Variants in KIF12 observed in about 807,000 individuals in gnomAD.
KIF12 encodes the protein kinesin family member 12, also known as kinesin-like protein KIF12.
In KIF12, 80 loss-of-function variants were observed where a neutral mutation model predicts 87.9. The observed-to-expected ratio is 0.91, with a 90% CI of 0.76 to 1.10. The LOEUF (loss-of-function observed/expected upper bound fraction) is 1.10, where lower values mean the gene tolerates loss of function less well. KIF12 is among the 50% of genes least tolerant of loss of function. The pLI, the probability that KIF12 is intolerant of heterozygous loss-of-function variation, is 0.00. For missense variants in KIF12, 819 were observed against 865.3 expected, an observed-to-expected ratio of 0.95 and a Z score of 0.67; for synonymous variants, 353 against 348.5, an observed-to-expected ratio of 1.01 and a Z score of -0.14.
Position 114,099,147 on chromosome 9 carries a change from G to A in KIF12, c.49C>T (p.Gln17Ter). 6.4e-7 allele frequency: 1 copy of A among 1,550,628 alleles called. No homozygotes were observed. The highest frequency in any genetic ancestry group is 1.2e-5 in the South Asian group (1 of 84,052). ...PDGDLARSLE[Q>*]GPEGPETPIQ... ...GGCGTTTCCGGCCCCTCTGGCCCTTGCTCCAGGCTCCGCGCGAGATCCCTG... is the reference window on the plus strand; with the variant it reads ...GGCGTTTCCGGCCCCTCTGGCCCTTACTCCAGGCTCCGCGCGAGATCCCTG... Residue 17 changes from glutamine (Q) to a stop codon, truncating the protein, a stop_gained, in exon 2 of 19, where the codon CAA becomes TAA. Transcript: ENST00000640217. LOFTEE classifies it high-confidence loss of function.
At chr9:114,095,421 G>A (rs1847182738) in intron 9 of KIF12, 89 bp from the exon 10 acceptor site, 2 of 1,381,496 alleles carry the variant, frequency 1.4e-6, no homozygotes, top group Non-Finnish European at 2.0e-6. Context: ...TCTCCACCCA[G>A]GCCTGTGTTG....
At chr9:114,092,971 A>G (rs772114758) in intron 16 of KIF12, 169 of 1,382,666 alleles carry the variant, frequency 1.2e-4, no homozygotes, top group Non-Finnish European at 1.5e-4. Flanking sequence ...CAGTAAATCC[A>G]TAAGTGAGTA....
At chr9:114,097,931 G>A in intron 5 of KIF12, 184 bp downstream of exon 5, 7 of 935,466 alleles carry the variant, frequency 7.5e-6, no homozygotes, top group Non-Finnish European at 1.1e-5. Context: ...CAAAGTTGAA[G>A]CCCAAATGCT....
At chr9:114,092,135 CA>C in intron 18 of KIF12, 135 bp from the exon 19 acceptor site, 1 of 956,260 alleles carries the variant, frequency 1.0e-6, no homozygotes, top group Non-Finnish European at 1.5e-6. Flanking sequence ...CACCCCCATA[CA>C]CCATGGGCTC....
intron 5 of KIF12, 59 bp from the exon 6 acceptor site, chr9:114,097,800 C>T: frequency 4.5e-6 from 7 of 1,556,684 alleles, no homozygotes; most frequent in Admixed American, 3.9e-5. Flanking sequence ...CCCTCTGTAG[C>T]GCATGTATGA....
intron 6 of KIF12, 30 bp downstream of exon 6, chr9:114,097,577 G>A (rs78769790): frequency 1.2e-6 from 2 of 1,612,694 alleles, no homozygotes; most frequent in East Asian, 2.2e-5. Context: ...TTCCTCATGG[G>A]CTGTCTTTCT....
intron 16 of KIF12, chr9:114,092,899 G>A (rs1037899331): frequency 1.1e-5 from 16 of 1,431,382 alleles, no homozygotes; most frequent in Middle Eastern, 2.6e-4. Context: ...GAGCCCAGAA[G>A]AGAGGCTGGT....
At position 114,098,423 on chromosome 9, in the gene KIF12, G is replaced by C; in HGVS notation, c.178C>G (p.Pro60Ala). 5 of 1,510,726 alleles carry C rather than the reference G, an allele frequency of 3.3e-6. No homozygotes were observed. Among genetic ancestry groups the C allele is most frequent in the Non-Finnish European group, 3.5e-6 (4 of 1,137,708 alleles). 93.6% of individuals were successfully genotyped at this position (1,510,726 alleles called of 1,614,324 possible). Reference protein sequence around the residue: ...CSGTRTLQVSPPGGGPEVAFR... With the variant: ...CSGTRTLQVSAPGGGPEVAFR... Reference sequence around the variant, plus strand: ...GCCACTTCTGGACCCCCGCCTGGAGGACTCACCTGGCGCGGGTGGGGCGGA... The same window carrying C: ...GCCACTTCTGGACCCCCGCCTGGAGCACTCACCTGGCGCGGGTGGGGCGGA... The change falls in exon 4 of 19, where the codon CCT (proline) becomes GCT (alanine). Residue 60 changes from proline to alanine, a missense_variant. Pro to Ala is a conservative substitution (Grantham distance 27). Coordinates refer to ENST00000640217, the MANE Select transcript of KIF12 (RefSeq NM_001388308.1).
At position 114,092,012 on chromosome 9, in the gene KIF12, T is replaced by C; in HGVS notation, c.1817-12A>G. The stretch of plus-strand genomic sequence containing the variant: ...AACCCCGGCCCCACCTAAGGAGCAG[T>C]GAGACTCGAGGCCTGCCCTCTCCAG... On this transcript the variant is annotated splice_polypyrimidine_tract_variant and intron_variant, in intron 18 of 18. Coordinates refer to ENST00000640217, the MANE Select transcript of KIF12 (RefSeq NM_001388308.1). 1 of 1,607,420 alleles carries C rather than the reference T, an allele frequency of 6.2e-7. No homozygotes were observed. The highest frequency in any genetic ancestry group is 8.5e-7 in the Non-Finnish European group (1 of 1,177,236).
rs1847071953 is a variant in KIF12 at position 114,093,314 on chromosome 9, G to C, written c.1511C>G (p.Ser504Cys). The C allele has an allele frequency of 1.3e-6, 2 of 1,559,668 alleles. No individual in the cohort carries two copies. Among genetic ancestry groups the C allele is most frequent in the African/African-American group, 2.7e-5 (2 of 73,792 alleles). Residue 504 changes from serine (S) to cysteine (C), a missense_variant, in exon 16 of 19, where the codon TCC becomes TGC. Coordinates refer to ENST00000640217, the MANE Select transcript of KIF12 (RefSeq NM_001388308.1). ...TGGGCAGATGTGGCAGCAGGGGCAGGAGTAGAGGGGTGGCAGTGCCTGCAA... is the reference window on the plus strand; with the variant it reads ...TGGGCAGATGTGGCAGCAGGGGCAGCAGTAGAGGGGTGGCAGTGCCTGCAA... Reference protein sequence around the residue: ...PPCHALPPLYSCPCCHICPLC... With the variant: ...PPCHALPPLYCCPCCHICPLC...
In KIF12 at chr9:114,094,227, G is replaced by A; in HGVS notation, c.1267C>T (p.Leu423=). 2 of 1,614,048 alleles carry A rather than the reference G, an allele frequency of 1.2e-6. No individual in the cohort carries two copies. The highest frequency in any genetic ancestry group is 1.7e-6 in the Non-Finnish European group (2 of 1,180,022). Residue 423 remains leucine (L), a synonymous_variant, in exon 13 of 19, where the codon CTG becomes TTG. Coordinates refer to ENST00000640217, the MANE Select transcript of KIF12 (RefSeq NM_001388308.1). The part of the protein sequence containing the change: ...GARVAWAQRN[L]YGMLQEFMLE... ...ATGAACTCCTGTAGCATCCCGTACA[G>A]GTTCCGCTGGGCCCAGGCCACCCGG...
chr9:114,098,224 G>A (rs1178391917), intron 4 of KIF12, 34 bp from the exon 5 acceptor site: 1 of 1,522,572 alleles, frequency 6.6e-7, no homozygotes. Flanking sequence ...GGACTCCGGC[G>A]GCTACCCGGG....
Position 114,093,475 on chromosome 9 carries a change from G to C in KIF12, c.1423C>G (p.His475Asp). Residue 475 changes from histidine (H) to aspartate (D), a missense_variant, in exon 15 of 19, where the codon CAT (histidine) becomes GAT (aspartate). By Grantham distance (81) the His-to-Asp change is moderately conservative. Coordinates refer to ENST00000640217, the MANE Select transcript of KIF12 (RefSeq NM_001388308.1). ...LERRLLSACY[H>D]HQQGPGLTPP... Reference sequence around the variant, plus strand: ...GTCAGGCCAGGACCCTGCTGGTGATGGTAGCAGGCAGAGAGGAGACGCCTA... The same window carrying C: ...GTCAGGCCAGGACCCTGCTGGTGATCGTAGCAGGCAGAGAGGAGACGCCTA... The C allele has an allele frequency of 6.4e-7, 1 of 1,562,642 alleles. No individual in the cohort carries two copies. The highest frequency in any genetic ancestry group is 8.7e-7 in the Non-Finnish European group (1 of 1,152,956).
At position 114,094,566 on chromosome 9, in the gene KIF12, T is replaced by C. The variant is rs145112002; in HGVS notation, c.1120-111A>G. ...GGCCTAAAATCCAGCCCATGCTTCA[T>C]TCGTCAGCCTTGCATCTTGGCACAA... is the stretch of plus-strand genomic sequence containing the variant. On this transcript the variant is annotated intron_variant, in intron 11 of 18. Coordinates refer to ENST00000640217, the MANE Select transcript of KIF12 (RefSeq NM_001388308.1). 525 of 652,032 alleles carry C rather than the reference T, an allele frequency of 8.1e-4. 4 individuals carry two copies. In the East Asian group the frequency reaches 0.013, roughly 16 times the overall value. The allele number at this position is 652,032 out of a possible 1,614,324, so 40.4% of individuals were successfully genotyped here.
intron 18 of KIF12, 114 bp from the exon 19 acceptor site, chr9:114,092,114 T>TACCCCCCCCCCC: frequency 2.9e-6 from 4 of 1,389,236 alleles, no homozygotes; most frequent in African/African-American, 1.5e-5. Context: ...CCTCCACCCT[T>TACCCCCCCCCCC]CCCCCCACCC....
In KIF12 at chr9:114,098,387, C is replaced by G. The variant is rs1847328619; in HGVS notation, c.214G>C (p.Gly72Arg). 1 of 1,512,422 alleles carries G rather than the reference C, an allele frequency of 6.6e-7. No homozygotes were observed. Among genetic ancestry groups the G allele is most frequent in the Non-Finnish European group, 8.8e-7 (1 of 1,136,606 alleles). The allele number at this position is 1,512,422 out of a possible 1,614,324, so 93.7% of individuals were successfully genotyped here. Residue 72 changes from glycine (G) to arginine (R), a missense_variant, in exon 4 of 19, where the codon GGT becomes CGT. By Grantham distance (125) the Gly-to-Arg change is moderately radical. Transcript: ENST00000640217. The part of the protein sequence containing the change: ...GGGPEVAFRF[G>R]AVLDAARTQE... ...GTGCGCGCCGCGTCTAGCACCGCACCGAAGCGGAACGCCACTTCTGGACCC... is the reference window on the plus strand; with the variant it reads ...GTGCGCGCCGCGTCTAGCACCGCACGGAAGCGGAACGCCACTTCTGGACCC...
Position 114,092,454 on chromosome 9 carries a change from G to A in KIF12, c.1698-3C>T. ...TCTGAGTCCAGTCACTGTGACTCCTGGGCCAGGGTGAGTTGGGAGATGGGA... is the reference window on the plus strand; with the variant it reads ...TCTGAGTCCAGTCACTGTGACTCCTAGGCCAGGGTGAGTTGGGAGATGGGA... On this transcript the variant is annotated splice_region_variant and splice_polypyrimidine_tract_variant and intron_variant, in intron 17 of 18. Transcript: ENST00000640217. 1 of 1,613,692 alleles carries A rather than the reference G, an allele frequency of 6.2e-7. No homozygotes were observed. Among genetic ancestry groups the A allele is most frequent in the Non-Finnish European group, 8.5e-7 (1 of 1,179,862 alleles).
intron 3 of KIF12, 72 bp from the exon 4 acceptor site, chr9:114,098,501 TGGAGGAGGGCGGGGCACGCGGGA>T (rs1433436835): frequency 5.2e-6 from 4 of 768,604 alleles, no homozygotes; most frequent in African/African-American, 5.3e-5. Flanking sequence ...CGGGGCACCG[TGGAGGAGGGCGGGGCACGCGGGA>T]GGAGGGCGGG....
chr9:114,097,749 C>A lies in KIF12; in HGVS notation c.376-8G>T. The A allele has an allele frequency of 1.2e-6, 2 of 1,611,598 alleles. No homozygotes were observed. Among genetic ancestry groups the A allele is most frequent in the South Asian group, 1.1e-5 (1 of 90,814 alleles). The stretch of plus-strand genomic sequence containing the variant: ...TACAGGCACCCCCTCCCCCTAGGGG[C>A]AAAACCAGCTGAGCCATCGTCATCT... On this transcript the variant is annotated splice_polypyrimidine_tract_variant and splice_region_variant and intron_variant, in intron 5 of 18. Transcript: ENST00000640217.
Sources: gnomAD v4.1 joint callset for allele counts on GRCh38, gnomAD v4.1.1 for gene constraint, MANE v1.5 for transcripts, NCBI Gene and HGNC (gene_info 2026-07-23, HGNC 2026-07-21) for gene names.